PTK2: variants seen among roughly 807,000 people sequenced by gnomAD.
The protein encoded by PTK2 is protein tyrosine kinase 2, also known as focal adhesion kinase 1.
In PTK2, 45 loss-of-function variants were observed where a neutral mutation model predicts 150.1. The ratio of observed to expected loss-of-function variants is 0.30; its 90% CI spans 0.24 to 0.38. PTK2 has a LOEUF of 0.38. Ranked by LOEUF, PTK2 falls within the 10% of genes least tolerant of loss-of-function variation. The pLI, the probability that PTK2 is intolerant of heterozygous loss-of-function variation, is 1.00. For missense variants in PTK2, 919 were observed against 1,307.3 expected (o/e 0.70, Z 4.58); for synonymous variants, 432 against 449.2 (o/e 0.96, Z 0.48).
At chr8:140,722,518 T>C (rs1648317986) in intron 22 of PTK2, among the ~76,000 whole-genome samples, 1 of 152,202 alleles carries the variant, frequency 6.6e-6, no homozygotes, top group Non-Finnish European at 1.5e-5. Flanking sequence ...TCCTCCCACC[T>C]CAGCCTCTCA....
At chr8:140,945,993 C>T (rs1288903715) in intron 1 of PTK2, among the ~76,000 whole-genome samples, 1 of 152,106 alleles carries the variant, frequency 6.6e-6, no homozygotes, top group Non-Finnish European at 1.5e-5. Context: ...CTTATTTTTG[C>T]TGGTACCACA....
intron 4 of PTK2, among the ~76,000 whole-genome samples, chr8:140,878,822 A>G (rs1600171916): frequency 6.6e-6 from 1 of 150,746 alleles, no homozygotes; most frequent in East Asian, 2.0e-4. Flanking sequence ...ATTTCCTAGT[A>G]ACATCTTGAG....
At chr8:140,717,552 A>AAGTT in intron 23 of PTK2, 46 bp downstream of exon 26, 1 of 1,437,370 alleles carries the variant, frequency 7.0e-7, no homozygotes, top group Non-Finnish European at 9.8e-7. Flanking sequence ...TAAATCTTGA[A>AAGTT]AGTTAGTAAG....
intron 1 of PTK2, among the ~76,000 whole-genome samples, chr8:140,951,385 A>G (rs535495142): frequency 6.6e-6 from 1 of 152,334 alleles, no homozygotes; most frequent in South Asian, 2.1e-4. Context: ...CTGTGAAATA[A>G]GGGACCTATA....
At chr8:140,746,718 C>A in intron 18 of PTK2, 42 bp downstream of exon 21, 1 of 1,444,482 alleles carries the variant, frequency 6.9e-7, no homozygotes, top group South Asian at 1.2e-5. Flanking sequence ...CAAAAGATAT[C>A]AAACGCTGAG....
chr8:140,759,847 CCACACACACA>C (rs113580900), intron 16 of PTK2, among the ~76,000 whole-genome samples: 1 of 144,676 alleles, frequency 6.9e-6, no homozygotes, highest in African/African-American at 2.5e-5. Flanking sequence ...TCTCTCTCAC[CCACACACACA>C]CACACACACA....
chr8:140,859,771 G>A (rs1160064934), intron 5 of PTK2, among the ~76,000 whole-genome samples: 1 of 80,140 alleles, frequency 1.2e-5, no homozygotes, highest in Non-Finnish European at 2.3e-5. Context: ...CCCCCGACAT[G>A]TGTGTTTAAA....
chr8:140,793,478 T>C, intron 12 of PTK2, 94 bp from the exon 13 acceptor site: 1 of 1,351,402 alleles, frequency 7.4e-7, no homozygotes, highest in Non-Finnish European at 1.0e-6. Context: ...AGGCCTATAC[T>C]GGTATTCCAG....
At chr8:140,906,850 T>C (rs533734136) in intron 2 of PTK2, among the ~76,000 whole-genome samples, 195 of 152,310 alleles carry the variant, frequency 1.3e-3, no homozygotes, top group African/African-American at 4.5e-3. Flanking sequence ...ATATCCTAAT[T>C]ACCCTGATTT....
chr8:140,989,271 G>A (rs2100194703), intron 1 of PTK2, among the ~76,000 whole-genome samples: 1 of 145,810 alleles, frequency 6.9e-6, no homozygotes, highest in South Asian at 2.2e-4. Context: ...TGATACACCT[G>A]TATTCCCAGC....
At chr8:140,702,492 T>C in intron 25 of PTK2, 78 bp downstream of exon 28, 1 of 1,529,102 alleles carries the variant, frequency 6.5e-7, no homozygotes, top group Non-Finnish European at 8.9e-7. Context: ...AGTGCTAGGA[T>C]TACAAGTGTA....
intron 1 of PTK2, among the ~76,000 whole-genome samples, chr8:140,973,485 C>T (rs1164671716): frequency 6.6e-6 from 1 of 151,708 alleles, no homozygotes; most frequent in Non-Finnish European, 1.5e-5. Context: ...AAAAGGGGCA[C>T]ACATACACAC....
At chr8:140,961,137 T>C (rs1332966945) in intron 1 of PTK2, among the ~76,000 whole-genome samples, 1 of 152,256 alleles carries the variant, frequency 6.6e-6, no homozygotes, top group Non-Finnish European at 1.5e-5. Context: ...GTTTGGGCAC[T>C]GTGAGCAAGT....
At chr8:140,669,567 T>A in intron 29 of PTK2, 160 bp downstream of exon 33, 2 of 704,594 alleles carry the variant, frequency 2.8e-6, no homozygotes, top group Non-Finnish European at 4.7e-6. Context: ...CTTTTGCATA[T>A]ATAAACACTG....
chr8:140,940,883 T>C (rs189096019), intron 1 of PTK2, among the ~76,000 whole-genome samples: 2 of 152,072 alleles, frequency 1.3e-5, no homozygotes, highest in East Asian at 3.9e-4. Flanking sequence ...GGCAGGAGAA[T>C]TGCTTGAACC....
chr8:140,769,487 A>T, intron 14 of PTK2, 88 bp downstream of exon 16: 2 of 937,682 alleles, frequency 2.1e-6, no homozygotes, highest in Non-Finnish European at 2.9e-6. Flanking sequence ...TCAAAAGCAC[A>T]TTTTGCCTTT....
intron 3 of PTK2, among the ~76,000 whole-genome samples, chr8:140,883,994 C>T (rs1289531228): frequency 2.0e-5 from 3 of 151,990 alleles, no homozygotes; most frequent in African/African-American, 4.8e-5. Context: ...GGCTCATGGT[C>T]GTCTTCTTCC....
chr8:140,806,054 T>C (rs2100098009), intron 10 of PTK2, among the ~76,000 whole-genome samples: 1 of 152,226 alleles, frequency 6.6e-6, no homozygotes, highest in African/African-American at 2.4e-5. Flanking sequence ...CCAAGGCTGC[T>C]AGATGTCACA....
chr8:140,675,434 T>C (rs1287904659), intron 28 of PTK2, 26 bp downstream of exon 31: 6 of 1,607,440 alleles, frequency 3.7e-6, no homozygotes, highest in East Asian at 2.2e-5. Flanking sequence ...ACTAACTTCT[T>C]TCCGCCCAAT....
Sources: gnomAD v4.1 joint callset for allele counts (sites outside exome capture counted in the v4.1 genomes callset) on GRCh38, gnomAD v4.1.1 for gene constraint, MANE v1.5 for transcripts, NCBI Gene and HGNC (gene_info 2026-07-23, HGNC 2026-07-21) for gene names.